MRTFA: variants seen among roughly 807,000 people sequenced by gnomAD.
The protein encoded by MRTFA is myocardin-related transcription factor A.
A neutral mutation model predicts 83.5 loss-of-function variants in MRTFA; 20 were observed. The observed-to-expected ratio is 0.24, with a 90% CI of 0.17 to 0.35. The LOEUF (loss-of-function observed/expected upper bound fraction) is 0.35. Ranked by LOEUF, MRTFA falls within the 10% of genes least tolerant of loss-of-function variation. The pLI, the probability that MRTFA is intolerant of heterozygous loss-of-function variation, is 1.00. For synonymous variants in MRTFA, 659 were observed against 541.2 expected (o/e 1.22, Z -3.02); for missense variants, 1,200 against 1,224.7 (o/e 0.98, Z 0.30).
chr22:40,487,287 A>C (rs367982193), intron 3 of MRTFA, among the ~76,000 whole-genome samples: 21 of 152,242 alleles, frequency 1.4e-4, no homozygotes, highest in African/African-American at 5.1e-4. Flanking sequence ...GTTGGTACTA[A>C]GTATGACATA....
chr22:40,594,354 C>T (rs1456923918), intron 2 of MRTFA, among the ~76,000 whole-genome samples: 2 of 152,134 alleles, frequency 1.3e-5, no homozygotes, highest in Non-Finnish European at 2.9e-5. Flanking sequence ...AACTTCTGCC[C>T]TCAAGGACTG....
At chr22:40,421,187 C>G in intron 9 of MRTFA, 87 bp from the exon 10 acceptor site, 2 of 1,423,560 alleles carry the variant, frequency 1.4e-6, no homozygotes, top group Non-Finnish European at 1.9e-6. Flanking sequence ...ACCTGTGTGG[C>G]TTCTGAGAAG....
intron 4 of MRTFA, among the ~76,000 whole-genome samples, chr22:40,458,717 C>T (rs186351255): frequency 2.6e-5 from 4 of 152,220 alleles, no homozygotes; most frequent in Non-Finnish European, 4.4e-5. Context: ...CCCATTCCCT[C>T]GGCTTGAGGG....
intron 4 of MRTFA, among the ~76,000 whole-genome samples, chr22:40,439,504 CA>C (rs756033541): frequency 0.04 from 1,280 of 32,142 alleles, 12 homozygotes; most frequent in East Asian, 0.098. Flanking sequence ...GACTCTGTCT[CA>C]AAAAAAAAAA....
rs117883756 is a variant in MRTFA, at chr22:40,622,998, A to G, written c.-84+13480T>C. Among the ~76,000 whole-genome samples the G allele has an allele frequency of 1.6e-4, 24 of 152,366 alleles. No homozygotes were observed. The East Asian group carries it at 3.5e-3, about 22-fold the overall frequency. ...AAGTGAGAAAGAGAAGATGACTCCA[A>G]GATTCTTTCCTGAGTAACTAGAAGA... On this transcript the variant is annotated intron_variant, in intron 1 of 14. Transcript: ENST00000355630.
At chr22:40,444,393 C>T (rs1414183650) in intron 4 of MRTFA, among the ~76,000 whole-genome samples, 23 of 152,112 alleles carry the variant, frequency 1.5e-4, no homozygotes, top group Admixed American at 1.4e-3. Context: ...ACAGTTCTTA[C>T]ATTAATTGCC....
chr22:40,443,692 C>T (rs61675795), intron 4 of MRTFA, among the ~76,000 whole-genome samples: 16,181 of 152,188 alleles, frequency 0.11, 1,024 homozygotes, highest in East Asian at 0.24. Flanking sequence ...CCCACCTCCC[C>T]CTAAAGGCCA....
chr22:40,626,911 CAA>C (rs1307344217), intron 1 of MRTFA, among the ~76,000 whole-genome samples: 1 of 149,000 alleles, frequency 6.7e-6, no homozygotes, highest in Non-Finnish European at 1.5e-5. Context: ...TAACTAAAGC[CAA>C]AGTTTCAACC....
At chr22:40,510,979 C>T (rs1231310431) in intron 3 of MRTFA, among the ~76,000 whole-genome samples, 1 of 152,110 alleles carries the variant, frequency 6.6e-6, no homozygotes, top group Non-Finnish European at 1.5e-5. Flanking sequence ...GAGATAACCA[C>T]ATAGTCAGAG....
intron 1 of MRTFA, among the ~76,000 whole-genome samples, chr22:40,625,313 C>T (rs1356231873): frequency 6.6e-6 from 1 of 151,102 alleles, no homozygotes; most frequent in Non-Finnish European, 1.5e-5. Flanking sequence ...GACACCTGTC[C>T]CTAAAAAAAA....
At chr22:40,455,160 C>T (rs1299754146) in intron 4 of MRTFA, among the ~76,000 whole-genome samples, 2 of 151,942 alleles carry the variant, frequency 1.3e-5, no homozygotes, top group African/African-American at 4.8e-5. Context: ...ATTAGAATAG[C>T]CACATGTGCC....
chr22:40,431,662 CA>C (rs1338959404), intron 5 of MRTFA, among the ~76,000 whole-genome samples, 182 bp from the exon 6 acceptor site: 1 of 152,108 alleles, frequency 6.6e-6, no homozygotes, highest in Non-Finnish European at 1.5e-5. Context: ...CACCAAAATC[CA>C]ACTGCACCTG....
intron 3 of MRTFA, among the ~76,000 whole-genome samples, chr22:40,535,396 C>T (rs1429777227): frequency 6.7e-6 from 1 of 148,554 alleles, no homozygotes; most frequent in African/African-American, 2.5e-5. Flanking sequence ...CTCTGTCCCC[C>T]AGACTGAGTA....
intron 1 of MRTFA, among the ~76,000 whole-genome samples, chr22:40,617,168 A>AGGAG (rs2147424957): frequency 1.2e-5 from 1 of 80,896 alleles, no homozygotes; most frequent in East Asian, 6.1e-4. Flanking sequence ...GAAGGAGGGA[A>AGGAG]GGAGGGAAGG....
intron 4 of MRTFA, among the ~76,000 whole-genome samples, chr22:40,457,436 GAGAAAGAAAGAAAGAAAGAA>G (rs555469044): frequency 3.7e-4 from 44 of 119,884 alleles, no homozygotes; most frequent in Middle Eastern, 3.9e-3. Context: ...AAGAAAGAAA[GAGAAAGAAAGAAAGAAAGAA>G]AGAAAGAAAG....
At chr22:40,590,005 G>C (rs1335357816) in intron 2 of MRTFA, among the ~76,000 whole-genome samples, 2 of 148,038 alleles carry the variant, frequency 1.4e-5, no homozygotes, top group Non-Finnish European at 3.0e-5. Context: ...CTGGGAGACA[G>C]AGCGAGACTC....
intron 2 of MRTFA, among the ~76,000 whole-genome samples, chr22:40,563,466 G>A (rs1172155483): frequency 7.1e-6 from 1 of 140,680 alleles, no homozygotes. Context: ...TAACCTTACA[G>A]CAAACACATC....
At chr22:40,500,484 C>CA (rs1429595251) in intron 3 of MRTFA, among the ~76,000 whole-genome samples, 16 of 148,638 alleles carry the variant, frequency 1.1e-4, no homozygotes, top group Middle Eastern at 6.9e-3. Flanking sequence ...GAGGGAAGGT[C>CA]AGCAGATAAA....
intron 3 of MRTFA, among the ~76,000 whole-genome samples, chr22:40,480,812 G>A (rs932776716): frequency 6.8e-6 from 1 of 146,226 alleles, no homozygotes; most frequent in Non-Finnish European, 1.5e-5. Flanking sequence ...GCAGTGGCGC[G>A]ATCTCCGCTC....
Sources: allele counts gnomAD v4.1 joint callset (sites outside exome capture counted in the v4.1 genomes callset), GRCh38; gene constraint gnomAD v4.1.1; transcripts MANE v1.5; gene names NCBI Gene and HGNC (gene_info 2026-07-23, HGNC 2026-07-21).